The following ARHGEF18 variants were observed in gnomAD, a reference collection of about 807,000 sequenced individuals.
ARHGEF18 encodes the protein Rho/Rac guanine nucleotide exchange factor 18.
In ARHGEF18, 93 loss-of-function variants were observed where a neutral mutation model predicts 155.7. The ratio of observed to expected loss-of-function variants is 0.60; its 90% CI spans 0.50 to 0.71. The LOEUF (loss-of-function observed/expected upper bound fraction) is 0.71. Ranked by LOEUF, ARHGEF18 falls within the 30% of genes least tolerant of loss-of-function variation. The pLI is 0.00. For missense variants in ARHGEF18, 1,593 were observed against 1,816.1 expected, an observed-to-expected ratio of 0.88 and a Z score of 2.23; for synonymous variants, 742 against 753.1, an observed-to-expected ratio of 0.99 and a Z score of 0.24.
chr19:7,350,767 GGTGTGTGTGT>G (rs71177199), intron 1 of ARHGEF18, among the ~76,000 whole-genome samples: 396 of 19,464 alleles, frequency 0.02, 5 homozygotes, highest in African/African-American at 0.04. Flanking sequence ...TTTTGGGGTG[GGTGTGTGTGT>G]GTGTGTGTGT....
intron 14 of ARHGEF18, among the ~76,000 whole-genome samples, chr19:7,446,055 G>A (rs768806931): frequency 4.1e-4 from 63 of 152,252 alleles, no homozygotes; most frequent in Non-Finnish European, 6.6e-4. Context: ...GACACCTTGC[G>A]ATTAGACACC....
chr19:7,369,415 C>T (rs57845540), intron 2 of ARHGEF18, among the ~76,000 whole-genome samples: 5,215 of 147,328 alleles, frequency 0.035, 282 homozygotes, highest in African/African-American at 0.12. Flanking sequence ...GAGCTGAGAT[C>T]GGGCCATTGC....
chr19:7,454,662 T>C (rs1438979718), intron 17 of ARHGEF18, among the ~76,000 whole-genome samples: 2 of 152,126 alleles, frequency 1.3e-5, no homozygotes, highest in Non-Finnish European at 2.9e-5. Flanking sequence ...AGCTGGGGTG[T>C]AGCATAAAAG....
At chr19:7,460,639 C>CA (rs1555727931) in intron 20 of ARHGEF18, among the ~76,000 whole-genome samples, 1 of 147,452 alleles carries the variant, frequency 6.8e-6, no homozygotes, top group Non-Finnish European at 1.5e-5. Flanking sequence ...TGGAGTCACA[C>CA]CGCGCGGCCT....
At chr19:7,423,373 G>C (rs1357742422) in intron 10 of ARHGEF18, among the ~76,000 whole-genome samples, 2 of 152,012 alleles carry the variant, frequency 1.3e-5, no homozygotes, top group Admixed American at 1.3e-4. Flanking sequence ...TATTACTTCT[G>C]CACAGATGAC....
intron 27 of ARHGEF18, among the ~76,000 whole-genome samples, chr19:7,469,665 AGG>A: frequency 6.6e-6 from 1 of 152,188 alleles, no homozygotes; most frequent in African/African-American, 2.4e-5. Flanking sequence ...CTATTTCCAC[AGG>A]AGGCTCAGCC....
rs764912757 is a variant in ARHGEF18, at chr19:7,470,275, AAAG to A, written c.4068_4070del (p.Glu1356del). ...ACTCAGCGCCAAGGAGGACGCCAGCAAAGAAGACGTCATCTTCTTCTAAAAGGG... is the reference window on the plus strand; with the variant it reads ...ACTCAGCGCCAAGGAGGACGCCAGCAAAGACGTCATCTTCTTCTAAAAGGG... On this transcript the variant is annotated inframe_deletion, in exon 29 of 29. Transcript: ENST00000668164. This position sits in a 1 kb window ranked among gnomAD's most constrained non-coding sequence, Gnocchi z 5.9. 1 of 1,551,222 alleles carries A rather than the reference AAAG, an allele frequency of 6.4e-7. No homozygotes were observed. Among genetic ancestry groups the A allele is most frequent in the Non-Finnish European group, 8.7e-7 (1 of 1,151,288 alleles).
chr19:7,373,483 G>GTT (rs372663795), intron 3 of ARHGEF18, among the ~76,000 whole-genome samples: 2 of 140,410 alleles, frequency 1.4e-5, no homozygotes, highest in African/African-American at 2.6e-5. Flanking sequence ...TTTTGTTTTT[G>GTT]TTTTTTTTTT....
In ARHGEF18 at chr19:7,395,772, G is replaced by T. The variant is rs1401853310; in HGVS notation, c.967+12569G>T. The stretch of plus-strand genomic sequence containing the variant: ...TAGTTTCTTGTATAAGAACTCAGTT[G>T]GTGCTTTCATTGCGGACGGGAACGA... On this transcript the variant is annotated intron_variant, in intron 10 of 28. Coordinates refer to ENST00000668164, the MANE Select transcript of ARHGEF18 (RefSeq NM_001367823.1). This position sits in a 1 kb window ranked among gnomAD's most constrained non-coding sequence, Gnocchi z 5.0. Among the ~76,000 whole-genome samples, 2 of 152,152 alleles carry T rather than the reference G, an allele frequency of 1.3e-5. No homozygotes were observed. The highest frequency in any genetic ancestry group is 2.9e-5 in the Non-Finnish European group (2 of 68,006).
intron 20 of ARHGEF18, 72 bp downstream of exon 20, chr19:7,460,066 A>G: frequency 1.4e-6 from 2 of 1,446,344 alleles, no homozygotes; most frequent in Non-Finnish European, 1.9e-6. Flanking sequence ...GACTGGCCAC[A>G]GAGGGTGAAC....
At chr19:7,427,191 G>A (rs2145706040) in intron 10 of ARHGEF18, among the ~76,000 whole-genome samples, 2 of 152,340 alleles carry the variant, frequency 1.3e-5, no homozygotes, top group South Asian at 4.1e-4. Flanking sequence ...GCAGGCTCCT[G>A]GAGAGCCCCC....
intron 10 of ARHGEF18, among the ~76,000 whole-genome samples, chr19:7,397,307 C>T (rs1396201116): frequency 6.6e-6 from 1 of 151,852 alleles, no homozygotes; most frequent in Admixed American, 6.6e-5. Flanking sequence ...ACTCTGTTGC[C>T]CAGACTGGAG....
chr19:7,416,158 G>A (rs1237684737), intron 10 of ARHGEF18, among the ~76,000 whole-genome samples: 1 of 152,176 alleles, frequency 6.6e-6, no homozygotes, highest in East Asian at 1.9e-4. Flanking sequence ...AGCACACTGG[G>A]AGGCCTAGGC....
At chr19:7,370,696 A>T (rs954564002) in intron 2 of ARHGEF18, among the ~76,000 whole-genome samples, 1 of 152,124 alleles carries the variant, frequency 6.6e-6, no homozygotes, top group African/African-American at 2.4e-5. Flanking sequence ...TGGATGGATG[A>T]ATAAATGCGA....
At chr19:7,460,073 G>A in intron 20 of ARHGEF18, 79 bp downstream of exon 20, 1 of 1,369,308 alleles carries the variant, frequency 7.3e-7, no homozygotes, top group Non-Finnish European at 1.0e-6. Context: ...CACAGAGGGT[G>A]AACTGCCCCC....
intron 17 of ARHGEF18, 133 bp from the exon 18 acceptor site, chr19:7,456,194 A>G: frequency 2.5e-6 from 2 of 807,738 alleles, no homozygotes; most frequent in African/African-American, 1.7e-5. Context: ...CAAGGCAGAA[A>G]GGAAACTTCT....
intron 16 of ARHGEF18, among the ~76,000 whole-genome samples, chr19:7,451,589 T>G (rs1975478531): frequency 1.3e-5 from 2 of 151,008 alleles, no homozygotes; most frequent in African/African-American, 4.9e-5. Flanking sequence ...TTTTTTTAAT[T>G]TTTTTTTTAG....
chr19:7,458,729 C>T, intron 19 of ARHGEF18, 39 bp downstream of exon 19: 1 of 1,575,866 alleles, frequency 6.3e-7, no homozygotes, highest in Non-Finnish European at 8.6e-7. Flanking sequence ...CACTGTGTTC[C>T]TTCCGCTGAT....
At chr19:7,358,215 TTCCATCCATCCATCCA>T (rs151337455) in intron 1 of ARHGEF18, among the ~76,000 whole-genome samples, 1 of 142,730 alleles carries the variant, frequency 7.0e-6, no homozygotes, top group South Asian at 2.3e-4. Flanking sequence ...CCATCCATCC[TTCCATCCATCCATCCA>T]TCCATCCATC....
Sources: allele counts gnomAD v4.1 joint callset (sites outside exome capture counted in the v4.1 genomes callset), GRCh38; gene constraint gnomAD v4.1.1; non-coding constraint Gnocchi (gnomAD v3.1); transcripts MANE v1.5; gene names NCBI Gene and HGNC (gene_info 2026-07-23, HGNC 2026-07-21).